Variants in PCDHGB1 observed in about 807,000 individuals in gnomAD.
PCDHGB1 encodes the protein protocadherin gamma subfamily B, 1.
PCDHGB1 carries 34 observed loss-of-function variants against 56.6 expected under a neutral mutation model. That is an observed-to-expected ratio of 0.60 (90% CI 0.46 to 0.80). The LOEUF (loss-of-function observed/expected upper bound fraction) is 0.80. PCDHGB1 is among the 30% of genes least tolerant of loss of function. The pLI is 0.00. For synonymous variants in PCDHGB1, 561 were observed against 505.9 expected (o/e 1.11, Z -1.46); for missense variants, 1,278 against 1,204.6 (o/e 1.06, Z -0.90).
At chr5:141,365,060 C>G (rs750087491) in intron 1 of PCDHGB1, 1 of 1,613,874 alleles carries the variant, frequency 6.2e-7, no homozygotes, top group Admixed American at 1.7e-5. Context: ...CCTGTTCACC[C>G]CATCCGAGTA....
intron 1 of PCDHGB1, among the ~76,000 whole-genome samples, chr5:141,406,577 A>T (rs558329088): frequency 6.6e-6 from 1 of 152,274 alleles, no homozygotes; most frequent in South Asian, 2.1e-4. Context: ...TAGTAAACCA[A>T]TTTTTTCCCT....
chr5:141,360,729 C>T (rs767195567), intron 1 of PCDHGB1: 2 of 1,613,886 alleles, frequency 1.2e-6, no homozygotes, highest in African/African-American at 1.3e-5. Flanking sequence ...TTCTAAAACA[C>T]TCTCTGGACA....
chr5:141,505,294 G>A, intron 2 of PCDHGB1, 99 bp from the exon 3 acceptor site: 1 of 1,572,086 alleles, frequency 6.4e-7, no homozygotes, highest in Non-Finnish European at 8.6e-7. Flanking sequence ...GCATGGGGTA[G>A]GGTTAGGGTA....
At chr5:141,388,363 C>T (rs778705302) in intron 1 of PCDHGB1, 6 of 1,613,854 alleles carry the variant, frequency 3.7e-6, no homozygotes, top group South Asian at 3.3e-5. Flanking sequence ...GCCCATGATG[C>T]GGATATTGGT....
intron 1 of PCDHGB1, chr5:141,383,225 T>C: frequency 6.2e-7 from 1 of 1,613,970 alleles, no homozygotes; most frequent in Non-Finnish European, 8.5e-7. Flanking sequence ...TTTAACATCC[T>C]GATGGAAGAT....
intron 1 of PCDHGB1, among the ~76,000 whole-genome samples, chr5:141,492,996 AG>A: frequency 6.6e-6 from 1 of 152,348 alleles, no homozygotes; most frequent in Admixed American, 6.5e-5. Flanking sequence ...GCAGATGGAA[AG>A]CTATAGGCTC....
chr5:141,491,438 G>A lies in PCDHGB1; in HGVS notation c.2410-3369G>A, dbSNP rs376927300. The A allele has an allele frequency of 3.7e-6, 6 of 1,614,066 alleles. No homozygotes were observed. Among genetic ancestry groups the A allele is most frequent in the Admixed American group, 1.7e-5 (1 of 60,016 alleles). On this transcript the variant is annotated intron_variant, in intron 1 of 3. Coordinates refer to ENST00000523390, the MANE Select transcript of PCDHGB1 (RefSeq NM_018922.3). This position sits in a 1 kb window ranked among gnomAD's most constrained non-coding sequence, Gnocchi z 6.9. ...GGGGGTGGAGGGCAGTGCTGCAGGC[G>A]CCAGGACTCACCCTCCCCGGACTTC...
In PCDHGB1 at chr5:141,476,264, G is replaced by A. The variant is rs753184649; in HGVS notation, c.2410-18543G>A. The A allele has an allele frequency of 2.5e-6, 4 of 1,614,082 alleles. No individual in the cohort carries two copies. The highest frequency in any genetic ancestry group is 3.4e-6 in the Non-Finnish European group (4 of 1,180,010). Reference sequence around the variant, plus strand: ...AGAGAAGGGTTTCGCTGTGGGCAACGTGGTCGCGAACCTTGGTTTGGATCT... The same window carrying A: ...AGAGAAGGGTTTCGCTGTGGGCAACATGGTCGCGAACCTTGGTTTGGATCT... On this transcript the variant is annotated intron_variant, in intron 1 of 3. Coordinates refer to ENST00000523390, the MANE Select transcript of PCDHGB1 (RefSeq NM_018922.3). The surrounding 1 kb of genome is among the most constrained non-coding windows in gnomAD (Gnocchi z 7.6).
chr5:141,370,898 G>A, intron 1 of PCDHGB1: 1 of 1,614,062 alleles, frequency 6.2e-7, no homozygotes, highest in African/African-American at 1.3e-5. Flanking sequence ...ATTCGCTGCA[G>A]CAGTACTACC....
chr5:141,421,464 T>A lies in PCDHGB1; in HGVS notation c.2409+68795T>A, dbSNP rs773727821. ...GGAAGACACAGCTTTTCGCTGTGAA[T>A]CCGCGAAGCGGCAGCTTGATCACGG... On this transcript the variant is annotated intron_variant, in intron 1 of 3. Transcript: ENST00000523390. 17 of 1,613,972 alleles carry A rather than the reference T, an allele frequency of 1.1e-5. No individual in the cohort carries two copies. In the East Asian group the frequency reaches 3.6e-4, roughly 34 times the overall value.
rs1207371456 is a variant in PCDHGB1 at position 141,487,371 on chromosome 5, G to A, written c.2410-7436G>A. On this transcript the variant is annotated intron_variant, in intron 1 of 3. Transcript: ENST00000523390. The surrounding 1 kb of genome is among the most constrained non-coding windows in gnomAD (Gnocchi z 5.0). ...TGCTTTCCTGCTGGCACCTGTGCCT[G>A]TCTCACCAGATCTCGAAGGAGGGAG... The A allele has an allele frequency of 4.3e-6, 7 of 1,614,076 alleles. No individual in the cohort carries two copies. In the Admixed American group the frequency reaches 5.0e-5, roughly 12 times the overall value.
chr5:141,449,645 A>G (rs1331667429), intron 1 of PCDHGB1, among the ~76,000 whole-genome samples: 1 of 151,128 alleles, frequency 6.6e-6, no homozygotes, highest in African/African-American at 2.4e-5. Context: ...CTATATATAC[A>G]TATTTACATA....
intron 1 of PCDHGB1, chr5:141,357,784 A>C: frequency 2.4e-6 from 2 of 849,184 alleles, no homozygotes; most frequent in Non-Finnish European, 3.6e-6. Context: ...GATCAACAGT[A>C]TTTACCACAC....
intron 1 of PCDHGB1, among the ~76,000 whole-genome samples, chr5:141,480,949 G>A (rs949853273): frequency 2.0e-4 from 30 of 152,136 alleles, no homozygotes; most frequent in African/African-American, 4.6e-4. Flanking sequence ...AGAGGCTGAG[G>A]CGGAAGCATC....
Position 141,477,016 on chromosome 5 carries a change from A to G in PCDHGB1, c.2410-17791A>G, listed in dbSNP as rs2099403497. Reference sequence around the variant, plus strand: ...GGCAACTATTCGCCTTAGACCTTGTAACCGGGATGCTGACAATCAAGGGTC... The same window carrying G: ...GGCAACTATTCGCCTTAGACCTTGTGACCGGGATGCTGACAATCAAGGGTC... On this transcript the variant is annotated intron_variant, in intron 1 of 3. Transcript: ENST00000523390. The surrounding 1 kb of genome is among the most constrained non-coding windows in gnomAD (Gnocchi z 4.9). 4.3e-6 allele frequency: 7 copies of G among 1,614,130 alleles called. No homozygotes were observed. The highest frequency in any genetic ancestry group is 5.9e-6 in the Non-Finnish European group (7 of 1,180,050).
chr5:141,490,517 C>T lies in PCDHGB1; in HGVS notation c.2410-4290C>T. 6.2e-7 allele frequency: 1 copy of T among 1,613,972 alleles called. No homozygotes were observed. The highest frequency in any genetic ancestry group is 2.2e-5 in the East Asian group (1 of 44,854). ...TCCCACTATATCATCGAGCTGCTGG[C>T]CAGCGATGCTGGTTCACCTTCCCTA... On this transcript the variant is annotated intron_variant, in intron 1 of 3. Coordinates refer to ENST00000523390, the MANE Select transcript of PCDHGB1 (RefSeq NM_018922.3). The surrounding 1 kb of genome is among the most constrained non-coding windows in gnomAD (Gnocchi z 5.4).
chr5:141,393,853 T>A, intron 1 of PCDHGB1: 1 of 1,613,992 alleles, frequency 6.2e-7, no homozygotes, highest in Admixed American at 1.7e-5. Context: ...AGACCAGAAG[T>A]GATCATTACG....
At chr5:141,508,029 A>C (rs941166006) in intron 3 of PCDHGB1, 10 of 152,264 alleles carry the variant, frequency 6.6e-5, no homozygotes, top group African/African-American at 2.4e-4. Flanking sequence ...TGCGGTTTGC[A>C]GCTCAGCCAG....
chr5:141,439,638 C>T (rs1256973189), intron 1 of PCDHGB1, among the ~76,000 whole-genome samples: 2 of 152,184 alleles, frequency 1.3e-5, no homozygotes, highest in African/African-American at 4.8e-5. Context: ...GACATTCCGG[C>T]TTGGTGGCTT....
Sources: allele counts gnomAD v4.1 joint callset (sites outside exome capture counted in the v4.1 genomes callset), GRCh38; gene constraint gnomAD v4.1.1; non-coding constraint Gnocchi (gnomAD v3.1); transcripts MANE v1.5; gene names NCBI Gene and HGNC (gene_info 2026-07-23, HGNC 2026-07-21).